ZNF648: variants seen among roughly 807,000 people sequenced by gnomAD.
ZNF648 encodes the protein zinc finger protein 648.
Under a neutral mutation model 0.3 loss-of-function variants are expected in ZNF648, and 1 was observed. The observed-to-expected ratio is 3.90, with a 90% CI of 1.39 to 18.51. The LOEUF (loss-of-function observed/expected upper bound fraction) is 18.51. Among genes scored for constraint, ZNF648 ranks in the 30% most tolerant of loss-of-function variants. The pLI is 0.11. For synonymous variants in ZNF648, 376 were observed against 326.8 expected (o/e 1.15, Z -1.62); for missense variants, 874 against 769.7 (o/e 1.14, Z -1.60).
At chr1:182,069,426 G>GTTAC in the ZNF648 span, among the ~76,000 whole-genome samples, 1 of 152,222 alleles carries the variant, frequency 6.6e-6, no homozygotes, top group Non-Finnish European at 1.5e-5. Context: ...TAACCAGAGA[G>GTTAC]GACCTCTCTT....
At chr1:182,066,377 C>T (rs1336445304), upstream of ZNF648, among the ~76,000 whole-genome samples, 1 of 152,176 alleles carries the variant, frequency 6.6e-6, no homozygotes, top group Non-Finnish European at 1.5e-5. Flanking sequence ...CAGCTGTCAT[C>T]ACAGCAATCT....
chr1:182,069,107 G>A, the ZNF648 span: 1 of 152,006 alleles, frequency 6.6e-6, no homozygotes, highest in Non-Finnish European at 1.5e-5. Flanking sequence ...CTCTGGACCA[G>A]GCTGGAGCCT....
rs764408172 is a variant in ZNF648 at position 182,056,971 on chromosome 1, G to C, written c.1040C>G (p.Ser347Cys). 3.7e-6 allele frequency: 6 copies of C among 1,613,658 alleles called. No individual in the cohort carries two copies. The highest frequency in any genetic ancestry group is 5.1e-6 in the Non-Finnish European group (6 of 1,179,920). Reference sequence around the variant, plus strand: ...GCGCTGGTGTTTGCGCAGGTCCGAAGAGCGCACGAAGGCCTTCCCGCAGTC... The same window carrying C: ...GCGCTGGTGTTTGCGCAGGTCCGAACAGCGCACGAAGGCCTTCCCGCAGTC... ...CPDCGKAFVR[S>C]SDLRKHQRNM... The change falls in exon 2 of 2, where the codon TCT becomes TGT. Residue 347 changes from serine (S) to cysteine (C), a missense_variant. Ser to Cys is a moderately radical substitution (Grantham distance 112, BLOSUM62 -1). Transcript: ENST00000339948.
At position 182,057,148 on chromosome 1, in the gene ZNF648, T is replaced by G; in HGVS notation, c.863A>C (p.Tyr288Ser). ...CTGCTGGAGTGTGCCGCGGTGGGAG[T>G]AGGCCTTCCCGCATAGCTCGCACGC... ...RYACELCGKA[Y>S]SHRGTLQQHR... is the part of the protein sequence containing the mutation. Residue 288 changes from tyrosine to serine, a missense_variant, in exon 2 of 2, where the codon TAC becomes TCC. Physicochemically the swap from Tyr to Ser is moderately radical, Grantham distance 144. Coordinates refer to ENST00000339948, the MANE Select transcript of ZNF648 (RefSeq NM_001009992.1). The G allele has an allele frequency of 6.2e-7, 1 of 1,602,098 alleles. No individual in the cohort carries two copies. The highest frequency in any genetic ancestry group is 8.5e-7 in the Non-Finnish European group (1 of 1,178,724).
upstream of ZNF648, among the ~76,000 whole-genome samples, chr1:182,061,983 G>A (rs567582151): frequency 5.9e-5 from 9 of 152,262 alleles, no homozygotes; most frequent in African/African-American, 1.9e-4. Flanking sequence ...TATGCCCATG[G>A]GCCACATGTC....
the ZNF648 span, chr1:182,069,200 C>T: frequency 2.0e-5 from 3 of 152,096 alleles, no homozygotes; most frequent in Admixed American, 2.0e-4. Context: ...GAGCTCCTGG[C>T]TCCGCTGTCC....
chr1:182,062,244 C>T (rs1666041707), upstream of ZNF648, among the ~76,000 whole-genome samples: 1 of 152,156 alleles, frequency 6.6e-6, no homozygotes, highest in African/African-American at 2.4e-5. Context: ...AGATGCCAGG[C>T]CTGTCTGGGG....
In ZNF648 at chr1:182,057,046, TG is replaced by T; in HGVS notation, c.964del (p.His322ThrfsTer50). 1.9e-6 allele frequency: 3 copies of T among 1,609,704 alleles called. No homozygotes were observed. The highest frequency in any genetic ancestry group is 2.5e-6 in the Non-Finnish European group (3 of 1,178,946). ...TGTGTGGGTGCGGATGTGCTTCCGG[TG>T]GTCGGAGGACCAGGTGTAGGCCTTG... ...CDKAYTWSSDHRKHIRTHTGE... is the reference protein window; with the variant it reads ...CDKAYTWSSDXRKHIRTHTGE... On this transcript the variant is annotated frameshift_variant, in exon 2 of 2. Coordinates refer to ENST00000339948, the MANE Select transcript of ZNF648 (RefSeq NM_001009992.1). LOFTEE classifies it low-confidence loss of function (END_TRUNC).
rs143029059 is a variant in ZNF648 at position 182,057,702 on chromosome 1, C to G, written c.309G>C (p.Trp103Cys). Residue 103 changes from tryptophan (W) to cysteine (C), a missense_variant, in exon 2 of 2, where the codon TGG (tryptophan) becomes TGC (cysteine). Physicochemically the swap from Trp to Cys is radical, Grantham distance 215. Transcript: ENST00000339948. ...KPVEMSGKAS[W>C]SRDVTKINET... Reference sequence around the variant, plus strand: ...CGTTGATCTTTGTCACATCTCTGCTCCAACTGGCTTTCCCAGACATTTCCA... The same window carrying G: ...CGTTGATCTTTGTCACATCTCTGCTGCAACTGGCTTTCCCAGACATTTCCA... The G allele has an allele frequency of 4.6e-5, 74 of 1,614,226 alleles. No homozygotes were observed. The Middle Eastern group carries it at 6.6e-4, about 14-fold the overall frequency.
the ZNF648 span, chr1:182,069,189 G>A: frequency 6.6e-6 from 1 of 151,958 alleles, no homozygotes; most frequent in African/African-American, 2.4e-5. Context: ...ACACAGCTGC[G>A]GAGCTCCTGG....
intron 1 of ZNF648, among the ~76,000 whole-genome samples, chr1:182,060,822 C>T (rs576065008): frequency 6.6e-6 from 1 of 151,842 alleles, no homozygotes; most frequent in East Asian, 2.0e-4. Context: ...AAACACATGT[C>T]TTAGGTCTCT....
chr1:182,068,849 C>CAGGAGGTTG, the ZNF648 span, among the ~76,000 whole-genome samples: 348 of 150,344 alleles, frequency 2.3e-3, 3 homozygotes, highest in African/African-American at 6.1e-3. Context: ...CAGTTAAGCT[C>CAGGAGGTTG]AGGCTACAGT....
At chr1:182,066,928 C>T in the ZNF648 span, among the ~76,000 whole-genome samples, 1 of 152,184 alleles carries the variant, frequency 6.6e-6, no homozygotes, top group African/African-American at 2.4e-5. Flanking sequence ...GGGTGCCATT[C>T]TCTGATTCTG....
the ZNF648 span, among the ~76,000 whole-genome samples, chr1:182,068,885 C>T: frequency 7.4e-6 from 1 of 135,912 alleles, no homozygotes; most frequent in Admixed American, 7.7e-5. Context: ...CACTGCACTC[C>T]AGGCTGGGCA....
At chr1:182,064,616 G>A (rs1260260369), upstream of ZNF648, 1 of 152,156 alleles carries the variant, frequency 6.6e-6, no homozygotes, top group African/African-American at 2.4e-5. Flanking sequence ...CAGATATGGG[G>A]ACATGTGCTG....
At position 182,057,216 on chromosome 1, in the gene ZNF648, C is replaced by T. The variant is rs1277439896; in HGVS notation, c.795G>A (p.Pro265=). 1.9e-6 allele frequency: 3 copies of T among 1,567,200 alleles called. No homozygotes were observed. The highest frequency in any genetic ancestry group is 1.7e-6 in the Non-Finnish European group (2 of 1,163,116). Reference sequence around the variant, plus strand: ...CGCCGCGCGTCTCCGCGGGGCTCAGCGGCTTGCTGGGCTTCTGAAAGGCCC... The same window carrying T: ...CGCCGCGCGTCTCCGCGGGGCTCAGTGGCTTGCTGGGCTTCTGAAAGGCCC... ...GGRAFQKPSK[P]LSPAETRGGA... The change falls in exon 2 of 2, where the codon CCG becomes CCA. Residue 265 remains proline, a synonymous_variant. Transcript: ENST00000339948.
chr1:182,064,112 T>C (rs1276635263), upstream of ZNF648: 1 of 152,244 alleles, frequency 6.6e-6, no homozygotes, highest in Admixed American at 6.5e-5. Flanking sequence ...AGCCTTGTAG[T>C]ATAGTTTGAA....
Position 182,056,689 on chromosome 1 carries a change from A to G in ZNF648, c.1322T>C (p.Leu441Pro), listed in dbSNP as rs139623351. The change falls in exon 2 of 2, where the codon CTG (leucine) becomes CCG (proline). Residue 441 changes from leucine to proline, a missense_variant. Physicochemically the swap from Leu to Pro is moderately conservative, Grantham distance 98. Transcript: ENST00000339948. ...CTTGAAAGGCCTCTGGCCGGTGTGCAGCGTCTGGTGCTCGGACAGATTGGA... is the reference window on the plus strand; with the variant it reads ...CTTGAAAGGCCTCTGGCCGGTGTGCGGCGTCTGGTGCTCGGACAGATTGGA... ...KSSNLSEHQTLHTGQRPFKCA... is the reference protein window; with the variant it reads ...KSSNLSEHQTPHTGQRPFKCA... The G allele has an allele frequency of 5.2e-5, 84 of 1,601,742 alleles. No homozygotes were observed. Among genetic ancestry groups the G allele is most frequent in the Non-Finnish European group, 7.2e-5 (84 of 1,174,076 alleles).
At chr1:182,064,714 G>A (rs138109403), upstream of ZNF648, 2 of 152,326 alleles carry the variant, frequency 1.3e-5, no homozygotes, top group East Asian at 3.9e-4. Flanking sequence ...TTTGGGGAGA[G>A]CATGGGATGG....
Sources: allele counts gnomAD v4.1 joint callset (sites outside exome capture counted in the v4.1 genomes callset), GRCh38; gene constraint gnomAD v4.1.1; transcripts MANE v1.5; gene names NCBI Gene and HGNC (gene_info 2026-07-23, HGNC 2026-07-21).